RHOBTB2: variants seen among roughly 807,000 people sequenced by gnomAD.
The protein encoded by RHOBTB2 is rho-related BTB domain-containing protein 2.
A neutral mutation model predicts 66.5 loss-of-function variants in RHOBTB2; 39 were observed. The ratio of observed to expected loss-of-function variants is 0.59; its 90% CI spans 0.45 to 0.77. The LOEUF (loss-of-function observed/expected upper bound fraction) is 0.77. RHOBTB2 is among the 30% of genes least tolerant of loss of function. RHOBTB2 has a pLI of 0.00. For synonymous variants in RHOBTB2, 390 were observed against 395.0 expected, an observed-to-expected ratio of 0.99 and a Z score of 0.15; for missense variants, 755 against 999.1, an observed-to-expected ratio of 0.76 and a Z score of 3.29.
chr8:23,016,995 G>A (rs147743310), intron 9 of RHOBTB2, among the ~76,000 whole-genome samples: 2 of 152,124 alleles, frequency 1.3e-5, no homozygotes, highest in Admixed American at 6.5e-5. Context: ...CATTCCCAAC[G>A]CACAGGAAGC....
chr8:22,970,542 A>G, the RHOBTB2 span, among the ~76,000 whole-genome samples: 1 of 151,928 alleles, frequency 6.6e-6, no homozygotes, highest in African/African-American at 2.4e-5. Context: ...TCCAGGCTGC[A>G]GTGAGGTATA....
In RHOBTB2 at chr8:23,009,186, A is replaced by AGAGAGAG. The variant is rs1319967209; in HGVS notation, c.1620+1075_1620+1076insGAGAGAG. 4.7e-4 allele frequency among the ~76,000 whole-genome samples: 19 copies of AGAGAGAG among 40,628 alleles called. No individual in the cohort carries two copies. In the East Asian group the frequency reaches 0.016, roughly 33 times the overall value. The allele number at this position is 40,628 out of a possible 152,430, so 26.7% of individuals were successfully genotyped here. On this transcript the variant is annotated intron_variant, in intron 6 of 9. Coordinates refer to ENST00000251822, the MANE Select transcript of RHOBTB2 (RefSeq NM_015178.3). ...AAAGAAAAAAAGAGAGAGAGAGAGA[A>AGAGAGAG]AAGAAGGAAGGGAGGGAGGGAGGGA... is the stretch of plus-strand genomic sequence containing the variant.
At chr8:22,996,916 G>T (rs956135665), upstream of RHOBTB2, among the ~76,000 whole-genome samples, 1 of 152,152 alleles carries the variant, frequency 6.6e-6, no homozygotes, top group Non-Finnish European at 1.5e-5. Context: ...CCTCAGCTGG[G>T]GTACCAGGGG....
At chr8:22,991,023 G>A (rs1456674763) in intron 1 of RHOBTB2, among the ~76,000 whole-genome samples, 1 of 152,092 alleles carries the variant, frequency 6.6e-6, no homozygotes, top group Non-Finnish European at 1.5e-5. Context: ...CTGGACACTT[G>A]GTTTTCTCCA....
Position 23,006,378 on chromosome 8 carries a change from T to C in RHOBTB2, c.482+233T>C, listed in dbSNP as rs1035729538. 1.5e-4 allele frequency: 81 copies of C among 555,550 alleles called. No individual in the cohort carries two copies. The highest frequency in any genetic ancestry group is 2.3e-4 in the Non-Finnish European group (72 of 314,002). 34.4% of individuals were successfully genotyped at this position (555,550 alleles called of 1,614,324 possible). On this transcript the variant is annotated intron_variant, in intron 4 of 9. Transcript: ENST00000251822. The surrounding 1 kb of genome is among the most constrained non-coding windows in gnomAD (Gnocchi z 6.1). ...ATGAAGAAAAATAGAGAGGAAGAGG[T>C]GATATTTGCATGAAAAAGTCCTATA... is the stretch of plus-strand genomic sequence containing the variant.
chr8:23,020,064 T>G lies in RHOBTB2; in HGVS notation c.*2595T>G, dbSNP rs952978851. On this transcript the variant is annotated 3_prime_UTR_variant, in exon 10 of 10. Coordinates refer to ENST00000251822, the MANE Select transcript of RHOBTB2 (RefSeq NM_015178.3). ...GTCCCAGCAGGAGCACAGCCCTGGT[T>G]TCCTGTCACTCAGAGCTGATTCACA... The G allele has an allele frequency of 5.7e-6, 2 of 353,102 alleles. No homozygotes were observed. Among genetic ancestry groups the G allele is most frequent in the African/African-American group, 4.3e-5 (2 of 46,588 alleles). 21.9% of individuals were successfully genotyped at this position (353,102 alleles called of 1,614,324 possible).
At chr8:23,012,289 C>T (rs1240054019) in intron 7 of RHOBTB2, among the ~76,000 whole-genome samples, 1 of 152,106 alleles carries the variant, frequency 6.6e-6, no homozygotes, top group Non-Finnish European at 1.5e-5. Flanking sequence ...ACAGAAAAAC[C>T]GTTGGTGAAG....
chr8:22,967,893 A>C, the RHOBTB2 span, among the ~76,000 whole-genome samples: 1 of 151,896 alleles, frequency 6.6e-6, no homozygotes, highest in South Asian at 2.1e-4. Flanking sequence ...GCCATGGCTC[A>C]CACCTGTAAT....
intron 7 of RHOBTB2, among the ~76,000 whole-genome samples, chr8:23,010,934 A>G: frequency 6.6e-6 from 1 of 152,202 alleles, no homozygotes. Context: ...TAAACCCAAC[A>G]AAATGGAACA....
upstream of RHOBTB2, among the ~76,000 whole-genome samples, chr8:22,996,175 G>A (rs1048682461): frequency 6.6e-6 from 1 of 152,218 alleles, no homozygotes; most frequent in African/African-American, 2.4e-5. Context: ...GGTGGTGTGG[G>A]GAGGCATAGA....
chr8:22,975,941 T>A, the RHOBTB2 span, among the ~76,000 whole-genome samples: 1 of 151,832 alleles, frequency 6.6e-6, no homozygotes, highest in African/African-American at 2.4e-5. Context: ...AGGTCAGGAG[T>A]TCGGGACCAG....
At chr8:22,961,365 T>A in the RHOBTB2 span, among the ~76,000 whole-genome samples, 1 of 152,166 alleles carries the variant, frequency 6.6e-6, no homozygotes, top group Non-Finnish European at 1.5e-5. Context: ...GAGCTGTAAC[T>A]GATCAAGCTG....
the RHOBTB2 span, among the ~76,000 whole-genome samples, chr8:22,952,109 G>A: frequency 5.3e-5 from 8 of 152,174 alleles, no homozygotes; most frequent in South Asian, 4.2e-4. Flanking sequence ...ATCTAACTAC[G>A]TGCTTACTTA....
Position 23,017,175 on chromosome 8 carries a change from TG to T in RHOBTB2, c.1967-73del. 6.4e-7 allele frequency: 1 copy of T among 1,572,224 alleles called. No homozygotes were observed. Among genetic ancestry groups the T allele is most frequent in the African/African-American group, 1.3e-5 (1 of 74,406 alleles). On this transcript the variant is annotated intron_variant, in intron 9 of 9. Transcript: ENST00000251822. The surrounding 1 kb of genome is among the most constrained non-coding windows in gnomAD (Gnocchi z 5.3). Reference sequence around the variant, plus strand: ...TGGAGGCCTGCTGCAGGCCTTGTGGTGGGGTAGGGCTGGTGTCCCACGTTCC... The same window carrying T: ...TGGAGGCCTGCTGCAGGCCTTGTGGTGGGTAGGGCTGGTGTCCCACGTTCC...
In RHOBTB2 at chr8:23,005,949, C is replaced by T. The variant is rs760244287; in HGVS notation, c.297-11C>T. 19 of 1,604,122 alleles carry T rather than the reference C, an allele frequency of 1.2e-5. No individual in the cohort carries two copies. The highest frequency in any genetic ancestry group is 1.6e-5 in the Non-Finnish European group (19 of 1,172,126). On this transcript the variant is annotated splice_polypyrimidine_tract_variant and intron_variant, in intron 3 of 9. Transcript: ENST00000251822. ...GTTTCTCTGCCCGTAACCTTACTTT[C>T]CCACCCGCAGATCTGATGTGGTGGT... is the stretch of plus-strand genomic sequence containing the variant.
Position 23,004,263 on chromosome 8 carries a change from C to T in RHOBTB2, c.-10-162C>T, listed in dbSNP as rs927405647. The T allele has an allele frequency of 1.4e-5, 9 of 660,660 alleles. No individual in the cohort carries two copies. The highest frequency in any genetic ancestry group is 9.0e-5 in the Admixed American group (4 of 44,416). 40.9% of individuals were successfully genotyped at this position (660,660 alleles called of 1,614,324 possible). ...ATGGGCTCCTGGCCCCTTGGACCCT[C>T]GCAGAGCTCTTGCCCAGAACGTTGC... is the stretch of plus-strand genomic sequence containing the variant. On this transcript the variant is annotated intron_variant, in intron 1 of 9. Coordinates refer to ENST00000251822, the MANE Select transcript of RHOBTB2 (RefSeq NM_015178.3). This position sits in a 1 kb window ranked among gnomAD's most constrained non-coding sequence, Gnocchi z 6.4.
upstream of RHOBTB2, among the ~76,000 whole-genome samples, chr8:22,995,340 G>A (rs547007239): frequency 3.9e-5 from 6 of 152,290 alleles, no homozygotes; most frequent in Non-Finnish European, 7.3e-5. Flanking sequence ...CGGTCCCAGG[G>A]AGTTCTCAGT....
Position 23,017,960 on chromosome 8 carries a change from C to T in RHOBTB2, c.*491C>T, listed in dbSNP as rs1811345151. On this transcript the variant is annotated 3_prime_UTR_variant, in exon 10 of 10. Transcript: ENST00000251822. The surrounding 1 kb of genome is among the most constrained non-coding windows in gnomAD (Gnocchi z 5.3). ...TCCACACGAAGCCTACTCACACCCT[C>T]ACTGGAGAAGTCAGGGTAGAAATTG... The T allele has an allele frequency of 6.0e-6, 1 of 166,742 alleles. No homozygotes were observed. The highest frequency in any genetic ancestry group is 5.5e-5 in the Admixed American group (1 of 18,074). The allele number at this position is 166,742 out of a possible 1,614,324, so 10.3% of individuals were successfully genotyped here. A position where few individuals can be genotyped will look rare whatever the true frequency, so the allele number is the denominator to read the frequency against.
At chr8:22,959,167 C>T in the RHOBTB2 span, among the ~76,000 whole-genome samples, 2 of 152,238 alleles carry the variant, frequency 1.3e-5, no homozygotes, top group Non-Finnish European at 2.9e-5. Context: ...AGCATTCTCC[C>T]TTCGCCGCAC....
Sources: allele counts gnomAD v4.1 joint callset (sites outside exome capture counted in the v4.1 genomes callset), GRCh38; gene constraint gnomAD v4.1.1; non-coding constraint Gnocchi (gnomAD v3.1); transcripts MANE v1.5; gene names NCBI Gene and HGNC (gene_info 2026-07-23, HGNC 2026-07-21).